The following PRSS36 variants were observed in gnomAD, a reference collection of about 807,000 sequenced individuals.
The protein encoded by PRSS36 is serine protease 36.
In PRSS36, 90 loss-of-function variants were observed where a neutral mutation model predicts 94.3. The observed-to-expected ratio is 0.95, with a 90% CI of 0.80 to 1.14. The LOEUF is 1.14. Among genes scored for constraint, PRSS36 ranks in the 50% most tolerant of loss-of-function variants. PRSS36 has a pLI of 0.00. For synonymous variants in PRSS36, 500 were observed against 489.6 expected (o/e 1.02, Z -0.28); for missense variants, 1,158 against 1,135.0 (o/e 1.02, Z -0.29).
At position 31,145,922 on chromosome 16, in the gene PRSS36, A is replaced by G. The variant is rs1257256139; in HGVS notation, c.587T>C (p.Val196Ala). Residue 196 changes from valine to alanine, a missense_variant, in exon 6 of 15, where the codon GTG becomes GCG. By Grantham distance (64) the Val-to-Ala change is moderately conservative. Transcript: ENST00000268281. Reference sequence around the variant, plus strand: ...GGCCTCGCCCAGCAGCCTTAGCTCCACTTCCTGTAGCACCCAGGGGAGAGG... The same window carrying G: ...GGCCTCGCCCAGCAGCCTTAGCTCCGCTTCCTGTAGCACCCAGGGGAGAGG... ...PLPLPWVLQE[V>A]ELRLLGEATC... 5.6e-6 allele frequency: 9 copies of G among 1,613,648 alleles called. No homozygotes were observed. In the Admixed American group the frequency reaches 1.0e-4, roughly 18 times the overall value.
At chr16:31,141,328 T>C in intron 12 of PRSS36, 141 bp downstream of exon 12, 1 of 1,133,734 alleles carries the variant, frequency 8.8e-7, no homozygotes, top group South Asian at 1.6e-5. Context: ...GGAGGATTGC[T>C]TGAGGCTGGC....
In PRSS36 at chr16:31,141,721, A is replaced by AC. The variant is rs745514179; in HGVS notation, c.1759+1dup. 2.5e-4 allele frequency: 398 copies of AC among 1,610,234 alleles called. No homozygotes were observed. The highest frequency in any genetic ancestry group is 3.3e-4 in the Non-Finnish European group (383 of 1,176,730). The stretch of plus-strand genomic sequence containing the variant: ...CCTAGGGCCCAAAAGCGTCCTGCTC[A>AC]CCACCATGCTCTGTGTGTGGGGGAC... On this transcript the variant is annotated splice_donor_variant, in intron 11 of 14. Transcript: ENST00000268281. LOFTEE classifies it high-confidence loss of function.
chr16:31,144,419 C>T (rs1351966405), intron 6 of PRSS36, among the ~76,000 whole-genome samples: 3 of 152,212 alleles, frequency 2.0e-5, no homozygotes, highest in Non-Finnish European at 4.4e-5. Context: ...AAGTGATCCA[C>T]GTGCCTCGGT....
Position 31,142,440 on chromosome 16 carries a change from T to C in PRSS36, c.1521+41A>G, listed in dbSNP as rs1294970707. On this transcript the variant is annotated intron_variant, in intron 10 of 14. Coordinates refer to ENST00000268281, the MANE Select transcript of PRSS36 (RefSeq NM_173502.5). ...AGGCCCCGCCCTCTTCCTAGAGCCC[T>C]CTCGGGCCCGCGTTCCGCGGGCCCC... 4 of 1,411,208 alleles carry C rather than the reference T, an allele frequency of 2.8e-6. No homozygotes were observed. In the Middle Eastern group the frequency reaches 7.9e-4, roughly 278 times the overall value. 87.4% of individuals were successfully genotyped at this position (1,411,208 alleles called of 1,614,324 possible). A position where few individuals can be genotyped will look rare whatever the true frequency, so the allele number is the denominator to read the frequency against.
In PRSS36 at chr16:31,141,796, C is replaced by T. The variant is rs2057696651; in HGVS notation, c.1686G>A (p.Gln562=). The change falls in exon 11 of 15, where the codon CAG becomes CAA. Residue 562 remains glutamine, a synonymous_variant. Transcript: ENST00000268281. ...CATCAGGGCCCCAATCCCAGGCTAG[C>T]TGGTCCTCCAGGTAGGCTCCCCGAG... ...HVTRGAYLED[Q]LAWDWGPDGE... 1 of 1,614,090 alleles carries T rather than the reference C, an allele frequency of 6.2e-7. No individual in the cohort carries two copies. Among genetic ancestry groups the T allele is most frequent in the African/African-American group, 1.3e-5 (1 of 74,932 alleles).
In PRSS36 at chr16:31,149,586, C is replaced by T. The variant is rs925140130; in HGVS notation, c.74-88G>A. On this transcript the variant is annotated intron_variant, in intron 2 of 14. Coordinates refer to ENST00000268281, the MANE Select transcript of PRSS36 (RefSeq NM_173502.5). ...CCACTTCCTGCTCTCCAACCCCCGA[C>T]CCTATCTTCCCACTTCCCTGTCCGT... is the stretch of plus-strand genomic sequence containing the variant. The T allele has an allele frequency of 5.7e-5, 92 of 1,605,556 alleles. No homozygotes were observed. In the Admixed American group the frequency reaches 1.5e-3, roughly 26 times the overall value.
At chr16:31,148,245 G>T in intron 5 of PRSS36, 150 bp downstream of exon 5, 1 of 828,054 alleles carries the variant, frequency 1.2e-6, no homozygotes. Context: ...ATCGGTGTGG[G>T]ATTCATCCAC....
At chr16:31,149,638 C>T (rs2057865952) in intron 2 of PRSS36, 58 bp downstream of exon 2, 1 of 1,611,890 alleles carries the variant, frequency 6.2e-7, no homozygotes, top group Non-Finnish European at 8.5e-7. Flanking sequence ...GCACCCATGC[C>T]AGTCCTCTGG....
Position 31,141,744 on chromosome 16 carries a change from G to A in PRSS36, c.1738C>T (p.Pro580Ser). ...DGEETETQTC[P>S]PHTEHGACGL... ...TCACCACCATGCTCTGTGTGTGGGG[G>A]ACAAGTCTGTGTCTCAGTCTCCTCC... is the stretch of plus-strand genomic sequence containing the variant. The change falls in exon 11 of 15, where the codon CCC becomes TCC. Residue 580 changes from proline (P) to serine (S), a missense_variant. Transcript: ENST00000268281. 1.2e-6 allele frequency: 2 copies of A among 1,613,920 alleles called. No individual in the cohort carries two copies. The highest frequency in any genetic ancestry group is 1.1e-5 in the South Asian group (1 of 91,086).
rs1177431830 is a variant in PRSS36, at chr16:31,141,621, G to A, written c.1760-11C>T. On this transcript the variant is annotated splice_polypyrimidine_tract_variant and intron_variant, in intron 11 of 14. Coordinates refer to ENST00000268281, the MANE Select transcript of PRSS36 (RefSeq NM_173502.5). ...GCCGCAGGCCACAGGCTAGGGAGAGGAGGTGGCCACCTCAGTTGGGGCCCC... is the reference window on the plus strand; with the variant it reads ...GCCGCAGGCCACAGGCTAGGGAGAGAAGGTGGCCACCTCAGTTGGGGCCCC... The A allele has an allele frequency of 3.7e-6, 6 of 1,612,508 alleles. No homozygotes were observed. The highest frequency in any genetic ancestry group is 4.2e-6 in the Non-Finnish European group (5 of 1,179,444).
chr16:31,139,922 C>T (rs974207931), intron 14 of PRSS36, among the ~76,000 whole-genome samples: 2 of 146,934 alleles, frequency 1.4e-5, no homozygotes, highest in East Asian at 4.1e-4. Flanking sequence ...TGGCCGGGCG[C>T]AGTGGCTCAC....
In PRSS36 at chr16:31,140,354, G is replaced by C; in HGVS notation, c.2229C>G (p.Gly743=). ...CACAGAGGGTTCCAGGGGGCAGGAT[G>C]CCCTGATAGAGGCAGTCACAGATTC... is the stretch of plus-strand genomic sequence containing the variant. ...TQRICDCLYQ[G]ILPPGTLCVL... is the part of the protein sequence containing the mutation. Residue 743 remains glycine (G), a synonymous_variant, in exon 14 of 15, where the codon GGC becomes GGG. Transcript: ENST00000268281. 1.2e-6 allele frequency: 2 copies of C among 1,614,128 alleles called. No individual in the cohort carries two copies. The highest frequency in any genetic ancestry group is 1.7e-6 in the Non-Finnish European group (2 of 1,180,010).
rs555757722 is a variant in PRSS36 at position 31,143,241 on chromosome 16, G to GC, written c.1100+100dup. 850 of 1,475,608 alleles carry GC rather than the reference G, an allele frequency of 5.8e-4. 1 individual carries two copies. The highest frequency in any genetic ancestry group is 1.6e-3 in the Admixed American group (67 of 42,954). The allele number at this position is 1,475,608 out of a possible 1,614,324, so 91.4% of individuals were successfully genotyped here. ...ATCCTACACCTCCGAATGGGACCCC[G>GC]CCCCCCCCACACCCCCTGGGGAGGG... is the stretch of plus-strand genomic sequence containing the variant. On this transcript the variant is annotated intron_variant, in intron 8 of 14. Coordinates refer to ENST00000268281, the MANE Select transcript of PRSS36 (RefSeq NM_173502.5).
chr16:31,144,291 C>T (rs1248133439), intron 6 of PRSS36, among the ~76,000 whole-genome samples: 1 of 152,190 alleles, frequency 6.6e-6, no homozygotes, highest in East Asian at 1.9e-4. Context: ...TCTCCTGCCT[C>T]AGCTTCCCGA....
intron 5 of PRSS36, among the ~76,000 whole-genome samples, chr16:31,146,563 A>T (rs11649290): frequency 0.25 from 37,777 of 152,030 alleles, 4,954 homozygotes; most frequent in Non-Finnish European, 0.28. Context: ...AGAAAAATAA[A>T]CGGATCACAC....
chr16:31,143,316 G>A, intron 8 of PRSS36, 26 bp downstream of exon 8: 2 of 1,566,150 alleles, frequency 1.3e-6, no homozygotes, highest in Middle Eastern at 1.7e-4. Flanking sequence ...GGCAAGGATC[G>A]GCTTGAAACG....
At chr16:31,143,178 C>T (rs543670985) in intron 8 of PRSS36, among the ~76,000 whole-genome samples, 164 bp downstream of exon 8, 13 of 152,238 alleles carry the variant, frequency 8.5e-5, no homozygotes, top group African/African-American at 2.9e-4. Context: ...ATGCCTCTAC[C>T]CACCCCTGCC....
rs776403162 is a variant in PRSS36, at chr16:31,143,817, C to T, written c.741G>A (p.Leu247=). Residue 247 remains leucine, a synonymous_variant, in exon 7 of 15, where the codon CTG becomes CTA. Coordinates refer to ENST00000268281, the MANE Select transcript of PRSS36 (RefSeq NM_173502.5). ...DTCQGDSGGP[L]VCEEGGRWFQ... ...ACCAGCGGCCGCCTTCCTCACAGAC[C>T]AGGGGCCCCCCAGAGTCACCCTAGT... The T allele has an allele frequency of 6.2e-7, 1 of 1,613,664 alleles. No homozygotes were observed. The highest frequency in any genetic ancestry group is 1.1e-5 in the South Asian group (1 of 91,084).
chr16:31,145,017 G>A (rs750149007), intron 6 of PRSS36, among the ~76,000 whole-genome samples: 2 of 152,022 alleles, frequency 1.3e-5, no homozygotes, highest in Non-Finnish European at 2.9e-5. Context: ...AACCCGGGAG[G>A]CAGAGGTTGT....
Sources: gnomAD v4.1 joint callset for allele counts (sites outside exome capture counted in the v4.1 genomes callset) on GRCh38, gnomAD v4.1.1 for gene constraint, MANE v1.5 for transcripts, NCBI Gene and HGNC (gene_info 2026-07-23, HGNC 2026-07-21) for gene names.